SLAMF1: variants seen among roughly 807,000 people sequenced by gnomAD.
SLAMF1 encodes signaling lymphocytic activation molecule.
In SLAMF1, 18 loss-of-function variants were observed where a neutral mutation model predicts 35.1. That is an observed-to-expected ratio of 0.51 (90% CI 0.35 to 0.76). The LOEUF is 0.76. Among genes scored for constraint, SLAMF1 ranks in the 30% least tolerant of loss-of-function variants. SLAMF1 has a pLI of 0.01. For synonymous variants in SLAMF1, 168 were observed against 157.2 expected (o/e 1.07, Z -0.51); for missense variants, 392 against 413.0 (o/e 0.95, Z 0.44).
At position 160,637,624 on chromosome 1, in the gene SLAMF1, C is replaced by T. The variant is rs146381482; in HGVS notation, c.77-95G>A. 7.3e-5 allele frequency: 65 copies of T among 893,254 alleles called. No individual in the cohort carries two copies. In the African/African-American group the frequency reaches 1.0e-3, roughly 14 times the overall value. 55.3% of individuals were successfully genotyped at this position (893,254 alleles called of 1,614,324 possible). On this transcript the variant is annotated intron_variant, in intron 1 of 6. Coordinates refer to ENST00000302035, the MANE Select transcript of SLAMF1 (RefSeq NM_003037.5). Reference sequence around the variant, plus strand: ...GAAGGACAGACTGGAGGCTCTCCCTCTTCCTCTTTGGCTATCCCTGGGGTT... The same window carrying T: ...GAAGGACAGACTGGAGGCTCTCCCTTTTCCTCTTTGGCTATCCCTGGGGTT...
At chr1:160,626,048 C>T (rs1659865265) in intron 3 of SLAMF1, among the ~76,000 whole-genome samples, 1 of 152,168 alleles carries the variant, frequency 6.6e-6, no homozygotes, top group Admixed American at 6.5e-5. Flanking sequence ...ACTAGTTCCT[C>T]TTTCTTCTTC....
intron 3 of SLAMF1, among the ~76,000 whole-genome samples, chr1:160,632,038 G>T (rs1660193129): frequency 6.6e-6 from 1 of 151,758 alleles, no homozygotes; most frequent in Non-Finnish European, 1.5e-5. Context: ...GCCTGGGAGA[G>T]ATCCTTCTCT....
intron 3 of SLAMF1, among the ~76,000 whole-genome samples, chr1:160,629,590 T>G (rs539792193): frequency 6.6e-6 from 1 of 152,280 alleles, no homozygotes; most frequent in East Asian, 1.9e-4. Flanking sequence ...CTAATTTAAG[T>G]TCTGGGACCA....
intron 2 of SLAMF1, among the ~76,000 whole-genome samples, chr1:160,635,850 A>AT (rs1660428298): frequency 6.6e-6 from 1 of 151,972 alleles, no homozygotes; most frequent in African/African-American, 2.4e-5. Context: ...AAGTGCTGAG[A>AT]TTACAGGCGT....
At chr1:160,641,343 G>T (rs754267089) in intron 1 of SLAMF1, among the ~76,000 whole-genome samples, 43 of 151,946 alleles carry the variant, frequency 2.8e-4, no homozygotes, top group Middle Eastern at 3.2e-3. Context: ...CCCCAAAATG[G>T]CTCCCATGCA....
chr1:160,646,813 A>G, intron 1 of SLAMF1, 57 bp downstream of exon 1: 3 of 943,402 alleles, frequency 3.2e-6, no homozygotes. Flanking sequence ...CCACGAAGAT[A>G]CGCTGATTCC....
At chr1:160,621,530 G>C (rs1659608062) in intron 4 of SLAMF1, among the ~76,000 whole-genome samples, 1 of 125,586 alleles carries the variant, frequency 8.0e-6, no homozygotes, top group East Asian at 2.5e-4. Context: ...TTGCACTCCA[G>C]CCTGAGTGAC....
chr1:160,633,511 C>A (rs546714210), intron 3 of SLAMF1, among the ~76,000 whole-genome samples: 174 of 152,226 alleles, frequency 1.1e-3, no homozygotes, highest in African/African-American at 4.0e-3. Flanking sequence ...CCTGGGAAAG[C>A]CCTCCACATG....
At chr1:160,638,037 G>A (rs551233996) in intron 1 of SLAMF1, among the ~76,000 whole-genome samples, 2 of 152,212 alleles carry the variant, frequency 1.3e-5, no homozygotes, top group South Asian at 4.2e-4. Flanking sequence ...GAAGTGATAA[G>A]CCCAGTGTTC....
At chr1:160,638,900 C>A (rs1255472901) in intron 1 of SLAMF1, among the ~76,000 whole-genome samples, 1 of 152,192 alleles carries the variant, frequency 6.6e-6, no homozygotes, top group Non-Finnish European at 1.5e-5. Context: ...TTGGCAGGAG[C>A]CTTCTGCTCT....
chr1:160,636,700 GTGGGCTGAAT>G (rs1660470524), intron 2 of SLAMF1, among the ~76,000 whole-genome samples: 1 of 152,204 alleles, frequency 6.6e-6, no homozygotes, highest in Non-Finnish European at 1.5e-5. Flanking sequence ...CAAGTGGTGT[GTGGGCTGAAT>G]TTTAGCCATC....
rs1159004474 is a variant in SLAMF1 at position 160,609,452 on chromosome 1, G to C, written c.*1296C>G. On this transcript the variant is annotated 3_prime_UTR_variant, in exon 7 of 7. Transcript: ENST00000302035. Reference sequence around the variant, plus strand: ...TACAATGTGAATTGACCTCATAGAGGAGGTAAGATACAAGGCAATAAGGAC... The same window carrying C: ...TACAATGTGAATTGACCTCATAGAGCAGGTAAGATACAAGGCAATAAGGAC... 2 of 152,206 alleles carry C rather than the reference G, an allele frequency of 1.3e-5. No individual in the cohort carries two copies. Among genetic ancestry groups the C allele is most frequent in the Non-Finnish European group, 2.9e-5 (2 of 68,040 alleles). The allele number at this position is 152,206 out of a possible 1,614,324, so 9.4% of individuals were successfully genotyped here. A position where few individuals can be genotyped will look rare whatever the true frequency, so the allele number is the denominator to read the frequency against.
intron 1 of SLAMF1, 53 bp from the exon 2 acceptor site, chr1:160,637,582 T>G: frequency 7.7e-7 from 1 of 1,305,402 alleles, no homozygotes; most frequent in East Asian, 2.4e-5. Flanking sequence ...TTAGACAACA[T>G]CGTGTCAGCA....
intron 2 of SLAMF1, chr1:160,636,980 C>T (rs1571005668): frequency 8.7e-6 from 5 of 572,446 alleles, no homozygotes; most frequent in East Asian, 8.5e-5. Context: ...GTAACTAATG[C>T]TTAATCAGCT....
Position 160,634,776 on chromosome 1 carries a change from C to A in SLAMF1, c.537G>T (p.Lys179Asn). 1 of 1,614,080 alleles carries A rather than the reference C, an allele frequency of 6.2e-7. No individual in the cohort carries two copies. Among genetic ancestry groups the A allele is most frequent in the South Asian group, 1.1e-5 (1 of 91,078 alleles). The change falls in exon 3 of 7, where the codon AAG (lysine) becomes AAT (asparagine). Residue 179 changes from lysine (K) to asparagine (N), a missense_variant. Physicochemically the swap from Lys to Asn is moderately conservative, Grantham distance 94. Coordinates refer to ENST00000302035, the MANE Select transcript of SLAMF1 (RefSeq NM_003037.5). ...CTGGGTTCAGTGGGTGGGTGCCCGCCTTTTCACTCCAGCTGTAAGCCACAT... is the reference window on the plus strand; with the variant it reads ...CTGGGTTCAGTGGGTGGGTGCCCGCATTTTCACTCCAGCTGTAAGCCACAT... ...GDHVAYSWSE[K>N]AGTHPLNPAN...
intron 1 of SLAMF1, among the ~76,000 whole-genome samples, chr1:160,644,005 C>A (rs901634452): frequency 2.0e-5 from 3 of 151,946 alleles, no homozygotes; most frequent in African/African-American, 7.3e-5. Flanking sequence ...AATCAATAAA[C>A]AAACTAGTTA....
chr1:160,613,510 C>A (rs138805795), intron 5 of SLAMF1, among the ~76,000 whole-genome samples: 2 of 152,292 alleles, frequency 1.3e-5, no homozygotes, highest in African/African-American at 4.8e-5. Flanking sequence ...TTGTAAGATG[C>A]GGATGCCATC....
At chr1:160,617,327 A>AC (rs913327611) in intron 5 of SLAMF1, among the ~76,000 whole-genome samples, 2 of 152,064 alleles carry the variant, frequency 1.3e-5, no homozygotes, top group African/African-American at 4.8e-5. Context: ...CTAGGTATAT[A>AC]CCCAAAAAAA....
At position 160,637,367 on chromosome 1, in the gene SLAMF1, G is replaced by A; in HGVS notation, c.239C>T (p.Ser80Phe). ...AGGGCCTGCTTCGGATGGATCAAGA[G>A]ACACTATTTTGTTCTCGACACTGTT... ...LENSVENKIV[S>F]LDPSEAGPPR... is the part of the protein sequence containing the mutation. The change falls in exon 2 of 7, where the codon TCT becomes TTT. Residue 80 changes from serine (S) to phenylalanine (F), a missense_variant. Transcript: ENST00000302035. 1 of 1,614,128 alleles carries A rather than the reference G, an allele frequency of 6.2e-7. No homozygotes were observed. The highest frequency in any genetic ancestry group is 8.5e-7 in the Non-Finnish European group (1 of 1,180,002).
Sources: gnomAD v4.1 joint callset for allele counts (sites outside exome capture counted in the v4.1 genomes callset) on GRCh38, gnomAD v4.1.1 for gene constraint, MANE v1.5 for transcripts, NCBI Gene and HGNC (gene_info 2026-07-23, HGNC 2026-07-21) for gene names.